RHCG: variants seen among roughly 807,000 people sequenced by gnomAD.
The protein encoded by RHCG is Rh family C glycoprotein, also known as ammonium transporter Rh type C.
RHCG carries 39 observed loss-of-function variants against 55.3 expected under a neutral mutation model. The ratio of observed to expected loss-of-function variants is 0.70; its 90% CI spans 0.55 to 0.92. The LOEUF (loss-of-function observed/expected upper bound fraction) is 0.92. RHCG is among the 40% of genes least tolerant of loss of function. RHCG has a pLI of 0.00. For missense variants in RHCG, 635 were observed against 627.9 expected, an observed-to-expected ratio of 1.01 and a Z score of -0.12; for synonymous variants, 250 against 246.8, an observed-to-expected ratio of 1.01 and a Z score of -0.12.
intron 1 of RHCG, 28 bp from the exon 2 acceptor site, chr15:89,487,013 G>T (rs375328717): frequency 6.6e-7 from 1 of 1,526,262 alleles, no homozygotes; most frequent in Non-Finnish European, 8.8e-7. Context: ...CCCGGGACTC[G>T]GTGGTCTGGC....
At chr15:89,481,228 T>C (rs766897815) in intron 3 of RHCG, among the ~76,000 whole-genome samples, 4 of 152,166 alleles carry the variant, frequency 2.6e-5, no homozygotes, top group Admixed American at 2.6e-4. Flanking sequence ...GGCAGGCGGA[T>C]CACCTGAGGT....
chr15:89,477,345 G>T lies in RHCG; in HGVS notation c.1113-139C>A. The T allele has an allele frequency of 2.1e-6, 3 of 1,411,674 alleles. No homozygotes were observed. The highest frequency in any genetic ancestry group is 2.9e-6 in the Non-Finnish European group (3 of 1,029,648). 87.4% of individuals were successfully genotyped at this position (1,411,674 alleles called of 1,614,324 possible). ...ATGGGGACACCGGACATATCAGTTG[G>T]CCTCTAAAACTCTAAGGGACAGAGT... On this transcript the variant is annotated intron_variant, in intron 7 of 10. Transcript: ENST00000268122. The surrounding 1 kb of genome is among the most constrained non-coding windows in gnomAD (Gnocchi z 4.5).
chr15:89,477,830 C>A lies in RHCG; in HGVS notation c.975+7G>T. 1 of 1,614,006 alleles carries A rather than the reference C, an allele frequency of 6.2e-7. No individual in the cohort carries two copies. On this transcript the variant is annotated splice_region_variant and intron_variant, in intron 6 of 10. Coordinates refer to ENST00000268122, the MANE Select transcript of RHCG (RefSeq NM_016321.3). This position sits in a 1 kb window ranked among gnomAD's most constrained non-coding sequence, Gnocchi z 4.5. Reference sequence around the variant, plus strand: ...CTAGCCCCCAGCCCCTTGCCTGGGGCACTTACGGTCAGGTATACAAAACCC... The same window carrying A: ...CTAGCCCCCAGCCCCTTGCCTGGGGAACTTACGGTCAGGTATACAAAACCC...
intron 1 of RHCG, among the ~76,000 whole-genome samples, chr15:89,491,706 G>A (rs1266946396): frequency 1.3e-5 from 2 of 152,158 alleles, no homozygotes; most frequent in African/African-American, 2.4e-5. Context: ...GGCAGAGGTT[G>A]CAGTGAGCTG....
In RHCG at chr15:89,477,223, G is replaced by A; in HGVS notation, c.1113-17C>T. On this transcript the variant is annotated splice_polypyrimidine_tract_variant and intron_variant, in intron 7 of 10. Coordinates refer to ENST00000268122, the MANE Select transcript of RHCG (RefSeq NM_016321.3). This position sits in a 1 kb window ranked among gnomAD's most constrained non-coding sequence, Gnocchi z 4.5. The stretch of plus-strand genomic sequence containing the variant: ...TGGACAAGCCTGGGGTGGAGACAGG[G>A]GGCAGGTCAGGGCCCCATGGAGAGG... The A allele has an allele frequency of 6.2e-7, 1 of 1,613,608 alleles. No homozygotes were observed. Among genetic ancestry groups the A allele is most frequent in the Non-Finnish European group, 8.5e-7 (1 of 1,179,778 alleles).
At chr15:89,490,788 G>A (rs1444928433) in intron 1 of RHCG, among the ~76,000 whole-genome samples, 1 of 151,724 alleles carries the variant, frequency 6.6e-6, no homozygotes, top group Non-Finnish European at 1.5e-5. Context: ...GACCAGGGGG[G>A]TGAGGGCTGG....
intron 9 of RHCG, among the ~76,000 whole-genome samples, chr15:89,473,353 G>C (rs1596400740): frequency 2.0e-5 from 3 of 152,270 alleles, no homozygotes; most frequent in Admixed American, 2.0e-4. Context: ...GTGGAGGGCA[G>C]GCAGGGCAGG....
chr15:89,483,149 C>A lies in RHCG; in HGVS notation c.440G>T (p.Ser147Ile), dbSNP rs755339806. The A allele has an allele frequency of 6.2e-7, 1 of 1,607,226 alleles. No individual in the cohort carries two copies. The highest frequency in any genetic ancestry group is 8.5e-7 in the Non-Finnish European group (1 of 1,174,538). The part of the protein sequence containing the change: ...VAFGAVLGKV[S>I]PIQLLIMTFF... ...AGTCATGATGAGCAGCTGAATGGGG[C>A]TGACTTTACCCAGAACTGCCCCAAA... The change falls in exon 3 of 11, where the codon AGC becomes ATC. Residue 147 changes from serine (S) to isoleucine (I), a missense_variant. Ser to Ile is a moderately radical substitution (Grantham distance 142). Coordinates refer to ENST00000268122, the MANE Select transcript of RHCG (RefSeq NM_016321.3).
chr15:89,493,601 C>T (rs778907495), intron 1 of RHCG, among the ~76,000 whole-genome samples: 20 of 152,208 alleles, frequency 1.3e-4, no homozygotes, highest in Admixed American at 1.0e-3. Context: ...TGCCCTCACC[C>T]CAATCCCCTA....
intron 9 of RHCG, among the ~76,000 whole-genome samples, chr15:89,474,208 G>A (rs909092203): frequency 6.6e-5 from 10 of 152,186 alleles, no homozygotes; most frequent in Admixed American, 2.0e-4. Flanking sequence ...AATATTGCTT[G>A]ACATAGGGTG....
chr15:89,480,710 T>C (rs1401623876), intron 3 of RHCG, among the ~76,000 whole-genome samples: 1 of 152,206 alleles, frequency 6.6e-6, no homozygotes, highest in Non-Finnish European at 1.5e-5. Flanking sequence ...GAGGCAGAAC[T>C]GAGGGAAACA....
intron 9 of RHCG, among the ~76,000 whole-genome samples, chr15:89,475,143 T>A (rs1016646676): frequency 6.7e-6 from 1 of 149,046 alleles, no homozygotes; most frequent in Admixed American, 6.6e-5. Context: ...CCTGCCTTCC[T>A]TCATTCCTTC....
chr15:89,476,682 C>G, intron 9 of RHCG, 73 bp downstream of exon 9: 1 of 1,330,144 alleles, frequency 7.5e-7, no homozygotes, highest in Non-Finnish European at 1.1e-6. Context: ...CAGGCCCCAG[C>G]CCAGCTGATG....
At chr15:89,473,033 C>A (rs1050133245) in intron 9 of RHCG, among the ~76,000 whole-genome samples, 170 bp from the exon 10 acceptor site, 1 of 152,160 alleles carries the variant, frequency 6.6e-6, no homozygotes, top group African/African-American at 2.4e-5. Context: ...GGAGTCCTGC[C>A]CCTACCCTAT....
intron 9 of RHCG, 134 bp from the exon 10 acceptor site, chr15:89,472,997 G>A (rs1232018274): frequency 1.1e-5 from 11 of 1,036,132 alleles, no homozygotes; most frequent in Non-Finnish European, 1.5e-5. Context: ...CACATGCCAC[G>A]GAGAGCAGGG....
intron 1 of RHCG, among the ~76,000 whole-genome samples, chr15:89,493,179 G>C (rs773554900): frequency 1.3e-5 from 2 of 152,122 alleles, no homozygotes; most frequent in African/African-American, 4.8e-5. Flanking sequence ...CTCCGCCCTG[G>C]GTCATCTCCC....
rs562119923 is a variant in RHCG, at chr15:89,472,782, TGGGTACTGA to T, written c.1384_1392del (p.Ser462_Pro464del). The T allele has an allele frequency of 1.6e-4, 246 of 1,578,042 alleles. No homozygotes were observed. The East Asian group carries it at 2.1e-3, about 13-fold the overall frequency. Reference sequence around the variant, plus strand: ...GAAGCCATGGGTAGTGGGGACACCATGGGTACTGAGGGTACTGAGGGTCCTGAGGGCTTG... The same window carrying T: ...GAAGCCATGGGTAGTGGGGACACCATGGGTACTGAGGGTCCTGAGGGCTTG... On this transcript the variant is annotated inframe_deletion, in exon 10 of 11. Transcript: ENST00000268122.
intron 3 of RHCG, among the ~76,000 whole-genome samples, chr15:89,481,754 G>A (rs900029972): frequency 6.6e-6 from 1 of 152,146 alleles, no homozygotes; most frequent in Non-Finnish European, 1.5e-5. Context: ...GATTTTCAGT[G>A]GGTGAATGGT....
chr15:89,480,015 C>G (rs1961234813), intron 4 of RHCG, among the ~76,000 whole-genome samples: 1 of 152,208 alleles, frequency 6.6e-6, no homozygotes, highest in African/African-American at 2.4e-5. Flanking sequence ...GGATGAGTGA[C>G]CAACTTCTTT....
Sources: allele counts gnomAD v4.1 joint callset (sites outside exome capture counted in the v4.1 genomes callset), GRCh38; gene constraint gnomAD v4.1.1; non-coding constraint Gnocchi (gnomAD v3.1); transcripts MANE v1.5; gene names NCBI Gene and HGNC (gene_info 2026-07-23, HGNC 2026-07-21).